Variants in GRIK1 observed in about 807,000 individuals in gnomAD.
GRIK1 encodes the protein glutamate ionotropic receptor kainate type subunit 1.
A neutral mutation model predicts 105.7 loss-of-function variants in GRIK1; 69 were observed. That is an observed-to-expected ratio of 0.65 (90% CI 0.54 to 0.80). GRIK1 has a LOEUF of 0.80. Ranked by LOEUF, GRIK1 falls within the 30% of genes least tolerant of loss-of-function variation. The pLI is 0.00. For missense variants in GRIK1, 1,109 were observed against 1,167.3 expected (o/e 0.95, Z 0.73); for synonymous variants, 438 against 431.3 (o/e 1.02, Z -0.19).
In GRIK1 at chr21:29,560,361, CTTT is replaced by C. The variant is rs1568813541; in HGVS notation, c.2356+1260_2356+1262del. On this transcript the variant is annotated intron_variant, in intron 15 of 17. Transcript: ENST00000327783. ...TTTCTTTCTTTCTTTCTTTCTTTTT[CTTT>C]CTTCCTTCCTTCCTTCCTTCCTTCC... 3.4e-3 allele frequency among the ~76,000 whole-genome samples: 120 copies of C among 35,174 alleles called. 1 individual carries two copies. Among genetic ancestry groups the C allele is most frequent in the Non-Finnish European group, 3.6e-3 (66 of 18,352 alleles). 23.1% of individuals were successfully genotyped at this position (35,174 alleles called of 152,430 possible). A position where few individuals can be genotyped will look rare whatever the true frequency, so the allele number is the denominator to read the frequency against.
chr21:29,649,269 A>G (rs1046887960), intron 6 of GRIK1, among the ~76,000 whole-genome samples: 1 of 152,200 alleles, frequency 6.6e-6, no homozygotes, highest in Admixed American at 6.5e-5. Context: ...CCTGCATCCT[A>G]TCACTTTTTA....
Position 29,707,450 on chromosome 21 carries a change from C to CCCTTCCTTCCTTCCTT in GRIK1, c.119-13388_119-13387insAAGGAAGGAAGGAAGG, listed in dbSNP as rs1555875923. 1.6e-3 allele frequency among the ~76,000 whole-genome samples: 117 copies of CCCTTCCTTCCTTCCTT among 71,552 alleles called. 5 individuals carry two copies. The highest frequency in any genetic ancestry group is 4.5e-3 in the African/African-American group (80 of 17,634). 46.9% of individuals were successfully genotyped at this position (71,552 alleles called of 152,430 possible). On this transcript the variant is annotated intron_variant, in intron 1 of 17. Transcript: ENST00000327783. ...TCCCTTCCTCCCTCCCTCCCTCCCT[C>CCCTTCCTTCCTTCCTT]CCTCCCTCCCTCCCTCCCTCCCTCT...
chr21:29,713,780 C>T (rs1017196550), intron 1 of GRIK1, among the ~76,000 whole-genome samples: 14 of 152,120 alleles, frequency 9.2e-5, no homozygotes, highest in African/African-American at 3.4e-4. Flanking sequence ...AACACATTGA[C>T]TAATTTGGGA....
At chr21:29,585,017 G>A (rs2091100200) in intron 12 of GRIK1, among the ~76,000 whole-genome samples, 1 of 152,122 alleles carries the variant, frequency 6.6e-6, no homozygotes, top group Admixed American at 6.6e-5. Flanking sequence ...TGCCCTGGAG[G>A]GAGTTATTTT....
intron 13 of GRIK1, among the ~76,000 whole-genome samples, chr21:29,580,688 T>C (rs1181784244): frequency 6.6e-6 from 1 of 152,124 alleles, no homozygotes; most frequent in Non-Finnish European, 1.5e-5. Context: ...CTGTGACTTA[T>C]GATTTTCTTA....
At chr21:29,596,591 A>G in intron 8 of GRIK1, 21 bp from the exon 9 acceptor site, 1 of 1,582,638 alleles carries the variant, frequency 6.3e-7, no homozygotes, top group Non-Finnish European at 8.7e-7. Flanking sequence ...AGAGAGAAAA[A>G]TAAAATAAAA....
chr21:29,807,109 TTCA>T (rs1569114617), intron 1 of GRIK1, among the ~76,000 whole-genome samples: 7 of 152,190 alleles, frequency 4.6e-5, no homozygotes, highest in Non-Finnish European at 7.3e-5. Flanking sequence ...GAACAGTGTG[TTCA>T]CAATCAGCAT....
At position 29,638,896 on chromosome 21, in the gene GRIK1, CTT is replaced by C. The variant is rs149218118; in HGVS notation, c.1098+3928_1098+3929del. 4.2e-3 allele frequency among the ~76,000 whole-genome samples: 645 copies of C among 152,276 alleles called. 3 individuals carry two copies. Among genetic ancestry groups the C allele is most frequent in the African/African-American group, 0.015 (606 of 41,560 alleles). On this transcript the variant is annotated intron_variant, in intron 7 of 17. Transcript: ENST00000327783. Reference sequence around the variant, plus strand: ...ATATAAAATATGTAATCCCTACAAACTTATGGTGTGGGCATTTTATTACCCAT... The same window carrying C: ...ATATAAAATATGTAATCCCTACAAACATGGTGTGGGCATTTTATTACCCAT...
chr21:29,876,280 G>A (rs1279764826), intron 1 of GRIK1, among the ~76,000 whole-genome samples: 1 of 152,046 alleles, frequency 6.6e-6, no homozygotes, highest in Non-Finnish European at 1.5e-5. Flanking sequence ...CTTATTGAAA[G>A]TGCTTAGTGT....
intron 1 of GRIK1, among the ~76,000 whole-genome samples, chr21:29,768,095 T>C (rs893883185): frequency 1.3e-5 from 2 of 152,194 alleles, no homozygotes; most frequent in Admixed American, 6.5e-5. Flanking sequence ...TGCAAGGTGC[T>C]TGAAGGTGTT....
In GRIK1 at chr21:29,755,862, G is replaced by T. The variant is rs78857580; in HGVS notation, c.119-61799C>A. On this transcript the variant is annotated intron_variant, in intron 1 of 17. Transcript: ENST00000327783. The stretch of plus-strand genomic sequence containing the variant: ...AGAATATATCCCAAAAACCTGTCAT[G>T]AATTGAGTAAAAAGGTTCGGATAAC... Among the ~76,000 whole-genome samples the T allele has an allele frequency of 4.9e-3, 748 of 152,304 alleles. 8 individuals are homozygous for T. Among genetic ancestry groups the T allele is most frequent in the African/African-American group, 0.017 (713 of 41,568 alleles).
intron 1 of GRIK1, chr21:29,861,581 A>ACT (rs879915253): frequency 2.8e-6 from 1 of 353,688 alleles, no homozygotes; most frequent in Non-Finnish European, 5.6e-6. Context: ...GTGTGGGATT[A>ACT]TAGGTGTGAG....
intron 3 of GRIK1, among the ~76,000 whole-genome samples, chr21:29,684,700 C>T (rs896866459): frequency 2.6e-5 from 4 of 151,974 alleles, no homozygotes; most frequent in Non-Finnish European, 5.9e-5. Context: ...TTAGTAGAGA[C>T]GAGGTTTCAC....
At chr21:29,724,783 G>C (rs1455048394) in intron 1 of GRIK1, among the ~76,000 whole-genome samples, 1 of 152,178 alleles carries the variant, frequency 6.6e-6, no homozygotes, top group Non-Finnish European at 1.5e-5. Context: ...GGCTACAGGA[G>C]CCCTAAGTGC....
At chr21:29,669,297 T>A (rs192084683) in intron 4 of GRIK1, among the ~76,000 whole-genome samples, 1 of 152,014 alleles carries the variant, frequency 6.6e-6, no homozygotes, top group Non-Finnish European at 1.5e-5. Flanking sequence ...CATTAAAAGG[T>A]GAGAAAATAT....
intron 1 of GRIK1, among the ~76,000 whole-genome samples, chr21:29,888,184 C>CTTTCGTT (rs1301166060): frequency 7.7e-5 from 5 of 64,802 alleles, no homozygotes; most frequent in African/African-American, 4.9e-4. Flanking sequence ...TTTCTTTCTT[C>CTTTCGTT]CTTTCTTTCT....
intron 7 of GRIK1, among the ~76,000 whole-genome samples, chr21:29,625,970 T>A (rs1231207205): frequency 1.3e-5 from 2 of 152,192 alleles, no homozygotes; most frequent in Non-Finnish European, 2.9e-5. Context: ...CAGCTTAGAA[T>A]GTGACTATAT....
intron 14 of GRIK1, among the ~76,000 whole-genome samples, chr21:29,575,090 T>C (rs568286560): frequency 6.6e-6 from 1 of 152,222 alleles, no homozygotes; most frequent in Non-Finnish European, 1.5e-5. Flanking sequence ...CTTTGCTTCT[T>C]GATAAAACTC....
chr21:29,890,058 A>G (rs528783992), intron 1 of GRIK1, among the ~76,000 whole-genome samples: 2 of 152,244 alleles, frequency 1.3e-5, no homozygotes, highest in African/African-American at 4.8e-5. Flanking sequence ...ATTTGACAAT[A>G]AGTCATGTGA....
Sources: allele counts gnomAD v4.1 joint callset (sites outside exome capture counted in the v4.1 genomes callset), GRCh38; gene constraint gnomAD v4.1.1; transcripts MANE v1.5; gene names NCBI Gene and HGNC (gene_info 2026-07-23, HGNC 2026-07-21).